Variants in PARP12 observed in about 807,000 individuals in gnomAD.
PARP12 encodes protein mono-ADP-ribosyltransferase PARP12.
In PARP12, 59 loss-of-function variants were observed where a neutral mutation model predicts 72.4. That is an observed-to-expected ratio of 0.81 (90% CI 0.66 to 1.01). The LOEUF (loss-of-function observed/expected upper bound fraction) is 1.01. Ranked by LOEUF, PARP12 falls within the 50% of genes least tolerant of loss-of-function variation. PARP12 has a pLI of 0.00. For missense variants in PARP12, 851 were observed against 914.0 expected, an observed-to-expected ratio of 0.93 and a Z score of 0.89; for synonymous variants, 403 against 371.4, an observed-to-expected ratio of 1.09 and a Z score of -0.98.
intron 1 of PARP12, among the ~76,000 whole-genome samples, chr7:140,059,553 CAACAGCATTTG>C (rs2116678413): frequency 6.6e-6 from 1 of 152,272 alleles, no homozygotes; most frequent in Non-Finnish European, 1.5e-5. Flanking sequence ...AGAGTCAGGC[CAACAGCATTTG>C]TTTGACTCTG....
intron 1 of PARP12, among the ~76,000 whole-genome samples, chr7:140,060,361 T>A (rs1236394915): frequency 1.3e-5 from 2 of 152,164 alleles, no homozygotes; most frequent in Non-Finnish European, 2.9e-5. Context: ...ACTGATGAGC[T>A]ATTTCTAAAA....
At chr7:140,056,166 C>A (rs1282057890) in intron 3 of PARP12, among the ~76,000 whole-genome samples, 1 of 152,220 alleles carries the variant, frequency 6.6e-6, no homozygotes, top group Admixed American at 6.5e-5. Flanking sequence ...ATCTGCCCCA[C>A]AAGAGGTACT....
At chr7:140,036,070 G>C (rs1272172936) in intron 7 of PARP12, among the ~76,000 whole-genome samples, 4 of 147,656 alleles carry the variant, frequency 2.7e-5, no homozygotes, top group Non-Finnish European at 5.9e-5. Context: ...AGGAGAAGGA[G>C]GAGAAGGAGG....
intron 3 of PARP12, among the ~76,000 whole-genome samples, chr7:140,055,548 T>A (rs926649650): frequency 6.6e-6 from 1 of 152,222 alleles, no homozygotes; most frequent in Admixed American, 6.5e-5. Context: ...TTCCCTTTTC[T>A]TTTTATAAGC....
intron 8 of PARP12, among the ~76,000 whole-genome samples, chr7:140,030,903 C>G (rs1236101290): frequency 6.6e-6 from 1 of 152,040 alleles, no homozygotes; most frequent in African/African-American, 2.4e-5. Context: ...TTGGACACCC[C>G]TGATCTAAGG....
intron 5 of PARP12, among the ~76,000 whole-genome samples, chr7:140,046,351 AT>A (rs1816722604): frequency 6.6e-6 from 1 of 152,206 alleles, no homozygotes; most frequent in South Asian, 2.1e-4. Flanking sequence ...AAAGAAGGCT[AT>A]CCGGGAATCC....
chr7:140,061,559 C>T (rs1029779399), intron 1 of PARP12, among the ~76,000 whole-genome samples: 20 of 152,220 alleles, frequency 1.3e-4, no homozygotes, highest in African/African-American at 4.6e-4. Flanking sequence ...AACATCCTCC[C>T]TTAAATTGGC....
Position 140,026,226 on chromosome 7 carries a change from C to G in PARP12, c.1751G>C (p.Cys584Ser). ...GCCGTAGGAAGTGCCATGAACACCACAGACCCGCCAGTCAAAGTTCTGCTG... is the reference window on the plus strand; with the variant it reads ...GCCGTAGGAAGTGCCATGAACACCAGAGACCCGCCAGTCAAAGTTCTGCTG... ...ICQQNFDWRV[C>S]GVHGTSYGKG... is the part of the protein sequence containing the mutation. The change falls in exon 11 of 12, where the codon TGT becomes TCT. Residue 584 changes from cysteine (C) to serine (S), a missense_variant. By Grantham distance (112) the Cys-to-Ser change is moderately radical (BLOSUM62 -1). Transcript: ENST00000263549. The G allele has an allele frequency of 2.5e-6, 4 of 1,614,074 alleles. No homozygotes were observed.
intron 3 of PARP12, among the ~76,000 whole-genome samples, chr7:140,056,014 C>A (rs1817163741): frequency 6.6e-6 from 1 of 152,186 alleles, no homozygotes; most frequent in Admixed American, 6.5e-5. Context: ...ATAACCAGCA[C>A]CCAAGACAGC....
At chr7:140,041,188 T>C (rs914764189) in intron 6 of PARP12, among the ~76,000 whole-genome samples, 1 of 152,264 alleles carries the variant, frequency 6.6e-6, no homozygotes, top group African/African-American at 2.4e-5. Flanking sequence ...AACCTATACA[T>C]GATATAAATC....
rs913091883 is a variant in PARP12, at chr7:140,035,944, G to C, written c.1325-1613C>G. Among the ~76,000 whole-genome samples the C allele has an allele frequency of 9.3e-5, 11 of 117,670 alleles. 1 individual carries two copies. Among genetic ancestry groups the C allele is most frequent in the African/African-American group, 4.5e-4 (11 of 24,590 alleles). The allele number at this position is 117,670 out of a possible 152,430, so 77.2% of individuals were successfully genotyped here. On this transcript the variant is annotated intron_variant, in intron 7 of 11. Transcript: ENST00000263549. ...AGGAGGACAAGGAGGAGGAGGAGGA[G>C]GAGGAGGACGAGGAGGAGGAGGAGG...
intron 4 of PARP12, among the ~76,000 whole-genome samples, chr7:140,053,898 C>A (rs750586788): frequency 1.3e-5 from 2 of 152,140 alleles, no homozygotes; most frequent in African/African-American, 2.4e-5. Flanking sequence ...CACAACCACA[C>A]GGGAAGTGTT....
At position 140,026,302 on chromosome 7, in the gene PARP12, C is replaced by T. The variant is rs1436905582; in HGVS notation, c.1675G>A (p.Glu559Lys). The T allele has an allele frequency of 6.2e-7, 1 of 1,613,122 alleles. No homozygotes were observed. Among genetic ancestry groups the T allele is most frequent in the Non-Finnish European group, 8.5e-7 (1 of 1,180,034 alleles). Residue 559 changes from glutamate to lysine, a missense_variant, in exon 11 of 12, where the codon GAG becomes AAG. Around this residue, in one of 3 missense-constraint regions of PARP12, gnomAD observed 347 missense variants for 396.1 expected, o/e 0.88. Transcript: ENST00000263549. ...CTGGTGCCGTGGAACAGCTGCCGCT[C>T]GTCCACGGCCTTCCCTCCGTTCTGC... The part of the protein sequence containing the change: ...QKQNGGKAVD[E>K]RQLFHGTSAI...
At chr7:140,039,642 GA>G (rs1816373456) in intron 6 of PARP12, among the ~76,000 whole-genome samples, 2 of 152,170 alleles carry the variant, frequency 1.3e-5, no homozygotes, top group Non-Finnish European at 2.9e-5. Flanking sequence ...AGCTCAGACA[GA>G]AAAAACTTAG....
chr7:140,056,902 A>G lies in PARP12; in HGVS notation c.714T>C (p.Ser238=). 1.2e-6 allele frequency: 2 copies of G among 1,613,076 alleles called. No individual in the cohort carries two copies. The highest frequency in any genetic ancestry group is 1.7e-6 in the Non-Finnish European group (2 of 1,179,860). Reference sequence around the variant, plus strand: ...AAAGAGGAGGCACTCTGCTGGGGGCAGAGCTCTTATTCTTGATGTCATGTG... The same window carrying G: ...AAAGAGGAGGCACTCTGCTGGGGGCGGAGCTCTTATTCTTGATGTCATGTG... ...RNAHDIKNKS[S]APSRVPPLFV... The change falls in exon 3 of 12, where the codon TCT becomes TCC. Residue 238 remains serine, a synonymous_variant. Transcript: ENST00000263549.
chr7:140,055,129 T>C (rs915314360), intron 3 of PARP12, among the ~76,000 whole-genome samples: 5 of 152,246 alleles, frequency 3.3e-5, no homozygotes, highest in African/African-American at 1.2e-4. Flanking sequence ...CTTGGGACAC[T>C]TTTGTAATAA....
chr7:140,025,415 C>A, intron 11 of PARP12: 1 of 323,974 alleles, frequency 3.1e-6, no homozygotes. Context: ...GACCCCTTGC[C>A]ATCGCTGCCT....
At chr7:140,033,556 A>G (rs971817162) in intron 8 of PARP12, 2 of 985,290 alleles carry the variant, frequency 2.0e-6, no homozygotes, top group Non-Finnish European at 2.4e-6. Flanking sequence ...TGTGGTTTGG[A>G]GAACACTGAC....
At chr7:140,055,855 G>T (rs1436222613) in intron 3 of PARP12, among the ~76,000 whole-genome samples, 1 of 152,242 alleles carries the variant, frequency 6.6e-6, no homozygotes, top group Non-Finnish European at 1.5e-5. Flanking sequence ...ATAAAAGTCA[G>T]GTACAATTAG....
Sources: allele counts gnomAD v4.1 joint callset (sites outside exome capture counted in the v4.1 genomes callset), GRCh38; gene constraint gnomAD v4.1.1; regional missense constraint gnomAD v4.1.1; transcripts MANE v1.5; gene names NCBI Gene and HGNC (gene_info 2026-07-23, HGNC 2026-07-21).